The following PTPRS variants were observed in gnomAD, a reference collection of about 807,000 sequenced individuals.
The protein encoded by PTPRS is protein tyrosine phosphatase receptor type S.
Under a neutral mutation model 215.3 loss-of-function variants are expected in PTPRS, and 63 were observed. That is an observed-to-expected ratio of 0.29 (90% CI 0.24 to 0.36). The LOEUF (loss-of-function observed/expected upper bound fraction) is 0.36. Among genes scored for constraint, PTPRS ranks in the 10% least tolerant of loss-of-function variants. The probability of loss-of-function intolerance (pLI) is 1.00; values close to 1 mark genes in which losing one functional copy is unlikely to be tolerated. For synonymous variants in PTPRS, 1,404 were observed against 1,191.4 expected (o/e 1.18, Z -3.68); for missense variants, 2,258 against 2,825.8 (o/e 0.80, Z 4.56).
intron 2 of PTPRS, among the ~76,000 whole-genome samples, chr19:5,284,264 G>A (rs997512889): frequency 1.3e-5 from 2 of 151,982 alleles, no homozygotes; most frequent in African/African-American, 4.8e-5. Context: ...GGAGGCTGAG[G>A]CAGGAGGATC....
chr19:5,218,649 G>T, intron 24 of PTPRS, 117 bp from the exon 25 acceptor site: 1 of 1,515,512 alleles, frequency 6.6e-7, no homozygotes, highest in Non-Finnish European at 9.2e-7. Flanking sequence ...TATGACTAGG[G>T]TTTCCAGGAC....
At chr19:5,249,796 G>A (rs1313336959) in intron 9 of PTPRS, among the ~76,000 whole-genome samples, 2 of 152,252 alleles carry the variant, frequency 1.3e-5, no homozygotes, top group African/African-American at 2.4e-5. Flanking sequence ...GGAATTGTTG[G>A]AACGTCAAAG....
rs2041504775 is a variant in PTPRS at position 5,216,779 on chromosome 19, A to G, written c.4049-12T>C. On this transcript the variant is annotated splice_polypyrimidine_tract_variant and intron_variant, in intron 25 of 37. Transcript: ENST00000262963. ...CCTGAGGCCTGAATCTGCAAACAGC[A>G]AACAATAAATAAATGAAAACATGCA... 22 of 1,551,130 alleles carry G rather than the reference A, an allele frequency of 1.4e-5. No individual in the cohort carries two copies. The highest frequency in any genetic ancestry group is 1.8e-5 in the Non-Finnish European group (21 of 1,141,798).
At chr19:5,236,400 T>C (rs2043443501) in intron 13 of PTPRS, among the ~76,000 whole-genome samples, 3 of 152,120 alleles carry the variant, frequency 2.0e-5, no homozygotes, top group African/African-American at 7.2e-5. Context: ...TGGTTTGAGG[T>C]TGGCAGCTCA....
intron 13 of PTPRS, among the ~76,000 whole-genome samples, chr19:5,235,429 T>G (rs1648133117): frequency 6.6e-6 from 1 of 152,132 alleles, no homozygotes; most frequent in South Asian, 2.1e-4. Context: ...AGATAATAAG[T>G]GAATGTTTTC....
In PTPRS at chr19:5,234,904, G is replaced by C. The variant is rs139849829; in HGVS notation, c.1850-3289C>G. On this transcript the variant is annotated intron_variant, in intron 13 of 37. Transcript: ENST00000262963. ...ACTATGTGTCAGGCAACTCTACTAAGGGCCTTACGGAATGTTAATAGTTTT... is the reference window on the plus strand; with the variant it reads ...ACTATGTGTCAGGCAACTCTACTAACGGCCTTACGGAATGTTAATAGTTTT... Among the ~76,000 whole-genome samples, 25 of 152,146 alleles carry C rather than the reference G, an allele frequency of 1.6e-4. No individual in the cohort carries two copies. The East Asian group carries it at 4.8e-3, about 29-fold the overall frequency.
At chr19:5,217,344 C>T (rs1025885848) in intron 25 of PTPRS, among the ~76,000 whole-genome samples, 8 of 152,126 alleles carry the variant, frequency 5.3e-5, no homozygotes, top group Non-Finnish European at 1.0e-4. Flanking sequence ...GTTACATGCA[C>T]ATTTAAAATT....
intron 9 of PTPRS, among the ~76,000 whole-genome samples, chr19:5,251,662 GGTGTTCAGAGCTCA>G (rs1248956736): frequency 1.3e-5 from 2 of 152,046 alleles, no homozygotes; most frequent in African/African-American, 4.8e-5. Context: ...GCAGGCGAGA[GGTGTTCAGAGCTCA>G]GTGTTCCTGC....
intron 1 of PTPRS, among the ~76,000 whole-genome samples, chr19:5,302,086 G>A (rs1464639698): frequency 1.3e-5 from 2 of 151,880 alleles, no homozygotes; most frequent in Non-Finnish European, 2.9e-5. Context: ...TTGGCCCCCC[G>A]ATTTAATCAT....
In PTPRS at chr19:5,273,527, T is replaced by C; in HGVS notation, c.294A>G (p.Thr98=). 3 of 1,612,638 alleles carry C rather than the reference T, an allele frequency of 1.9e-6. No homozygotes were observed. The highest frequency in any genetic ancestry group is 1.7e-4 in the Middle Eastern group (1 of 6,060). The change falls in exon 4 of 38, where the codon ACA becomes ACG. Residue 98 remains threonine, a synonymous_variant. Coordinates refer to ENST00000262963, the MANE Select transcript of PTPRS (RefSeq NM_002850.4). Reference sequence around the variant, plus strand: ...ACTCGTACACGTTTTCATCCCGCGGTGTCCTCAGCGGCTGGATCCTCAGCA... The same window carrying C: ...ACTCGTACACGTTTTCATCCCGCGGCGTCCTCAGCGGCTGGATCCTCAGCA... ...GAVLRIQPLR[T]PRDENVYECV...
intron 1 of PTPRS, among the ~76,000 whole-genome samples, chr19:5,308,372 C>T (rs1253182425): frequency 6.6e-6 from 1 of 152,166 alleles, no homozygotes; most frequent in African/African-American, 2.4e-5. Context: ...CATCCATCGT[C>T]CCCCCAGACT....
At chr19:5,211,566 A>T (rs762510667) in intron 33 of PTPRS, 24 bp downstream of exon 33, 1 of 1,593,758 alleles carries the variant, frequency 6.3e-7, no homozygotes, top group South Asian at 1.1e-5. Flanking sequence ...TGGGGCCCTG[A>T]GGTGGGAAAG....
At chr19:5,330,934 AT>A (rs1228957387) in intron 1 of PTPRS, among the ~76,000 whole-genome samples, 1 of 152,088 alleles carries the variant, frequency 6.6e-6, no homozygotes, top group Non-Finnish European at 1.5e-5. Context: ...GACAGGGGCA[AT>A]TACCCACTTC....
intron 1 of PTPRS, among the ~76,000 whole-genome samples, chr19:5,335,205 T>C (rs1225207585): frequency 6.6e-6 from 1 of 152,140 alleles, no homozygotes; most frequent in African/African-American, 2.4e-5. Flanking sequence ...CCCCTCTGGG[T>C]GTCCAGGAGC....
chr19:5,335,575 G>A (rs2050469023), intron 1 of PTPRS, among the ~76,000 whole-genome samples: 1 of 152,192 alleles, frequency 6.6e-6, no homozygotes, highest in African/African-American at 2.4e-5. Context: ...CAGGTAGGGG[G>A]AACAGGAGAC....
intron 9 of PTPRS, among the ~76,000 whole-genome samples, chr19:5,251,572 A>T (rs1183077919): frequency 6.6e-6 from 1 of 151,242 alleles, no homozygotes; most frequent in Non-Finnish European, 1.5e-5. Flanking sequence ...TCCAAATGAC[A>T]AGGTGTAATC....
chr19:5,227,802 C>T (rs28485177), intron 16 of PTPRS, among the ~76,000 whole-genome samples: 10,880 of 152,182 alleles, frequency 0.071, 418 homozygotes, highest in Non-Finnish European at 0.079. Flanking sequence ...CAGCATCTAG[C>T]ACATAGTAGG....
chr19:5,240,731 C>T (rs1233139048), intron 11 of PTPRS, among the ~76,000 whole-genome samples: 1 of 150,926 alleles, frequency 6.6e-6, no homozygotes, highest in Non-Finnish European at 1.5e-5. Flanking sequence ...CCCAGCTACT[C>T]GGGAGGCTGA....
intron 9 of PTPRS, among the ~76,000 whole-genome samples, chr19:5,250,793 C>T (rs950469776): frequency 7.5e-6 from 1 of 133,806 alleles, no homozygotes; most frequent in Non-Finnish European, 1.8e-5. Context: ...AACACAAAAA[C>T]CAAAAAAGGG....
Sources: allele counts gnomAD v4.1 joint callset (sites outside exome capture counted in the v4.1 genomes callset), GRCh38; gene constraint gnomAD v4.1.1; transcripts MANE v1.5; gene names NCBI Gene and HGNC (gene_info 2026-07-23, HGNC 2026-07-21).